Variants in INSL4 observed in about 807,000 individuals in gnomAD.
The protein encoded by INSL4 is early placenta insulin-like peptide.
INSL4 carries 7 observed loss-of-function variants against 6.5 expected under a neutral mutation model. The ratio of observed to expected loss-of-function variants is 1.08; its 90% confidence interval spans 0.61 to 2.02. INSL4 has a LOEUF of 2.02. Among genes scored for constraint, INSL4 ranks in the 30% most tolerant of loss-of-function variants. INSL4 has a pLI of 0.00. For missense variants in INSL4, 226 were observed against 163.2 expected (o/e 1.38, Z -2.09); for synonymous variants, 82 against 65.8 (o/e 1.25, Z -1.19).
At position 5,231,485 on chromosome 9, in the gene INSL4, A is replaced by T; in HGVS notation, c.-39A>T. ...GCTACAGCAGCAAGTCTCTAAAGAA[A>T]GGCTGAGAACACCCAGAACAGGAGA... is the stretch of plus-strand genomic sequence containing the variant. On this transcript the variant is annotated 5_prime_UTR_variant, in exon 1 of 2. The change creates a new upstream start codon in the 5' untranslated region. Transcript: ENST00000239316. 6.3e-7 allele frequency: 1 copy of T among 1,587,538 alleles called. No homozygotes were observed. Among genetic ancestry groups the T allele is most frequent in the Admixed American group, 1.7e-5 (1 of 57,870 alleles).
intron 1 of INSL4, among the ~76,000 whole-genome samples, chr9:5,232,208 C>A (rs1020046711): frequency 2.0e-5 from 3 of 152,116 alleles, no homozygotes; most frequent in African/African-American, 7.2e-5. Flanking sequence ...GGCCTAGGGG[C>A]AGCACACTGA....
At chr9:5,233,439 G>A (rs772396843) in intron 1 of INSL4, among the ~76,000 whole-genome samples, 2 of 152,122 alleles carry the variant, frequency 1.3e-5, no homozygotes, top group Non-Finnish European at 2.9e-5. Context: ...GACAGGATGA[G>A]GAGTTAGCAT....
In INSL4 at chr9:5,231,550, G is replaced by A. The variant is rs1346862102; in HGVS notation, c.27G>A (p.Leu9=). The change falls in exon 1 of 2, where the codon CTG becomes CTA. Residue 9 remains leucine, a synonymous_variant. Transcript: ENST00000239316. MASLFRSY[L]PAIWLLLSQL... ...TGGCCAGCCTGTTCCGGTCCTATCT[G>A]CCAGCAATCTGGCTGCTGCTGAGCC... The A allele has an allele frequency of 1.2e-6, 2 of 1,613,546 alleles. No homozygotes were observed. Among genetic ancestry groups the A allele is most frequent in the African/African-American group, 1.3e-5 (1 of 75,010 alleles).
rs556736982 is a variant in INSL4 at position 5,235,228 on chromosome 9, A to G, written c.*1351A>G. On this transcript the variant is annotated 3_prime_UTR_variant, in exon 2 of 2. Coordinates refer to ENST00000239316, the MANE Select transcript of INSL4 (RefSeq NM_002195.2). ...GTCAAGATCTGGTTGGAATGGAGAC[A>G]GGAGAGAGGATCTCAAACGATTCCA... 20 of 152,992 alleles carry G rather than the reference A, an allele frequency of 1.3e-4. No individual in the cohort carries two copies. The highest frequency in any genetic ancestry group is 2.9e-4 in the African/African-American group (12 of 41,572). 9.5% of individuals were successfully genotyped at this position (152,992 alleles called of 1,614,324 possible).
rs1040086406 is a variant in INSL4, at chr9:5,233,652, A to G, written c.197-2A>G. On this transcript the variant is annotated splice_acceptor_variant, in intron 1 of 1. Transcript: ENST00000239316. LOFTEE classifies it high-confidence loss of function. ...CTTTCATTCCTCTCTTTTACTTCAC[A>G]GAAATGGTGTCAACCTCCAACAACA... The G allele has an allele frequency of 6.2e-7, 1 of 1,609,766 alleles. No individual in the cohort carries two copies. The highest frequency in any genetic ancestry group is 8.5e-7 in the Non-Finnish European group (1 of 1,176,724).
At chr9:5,231,838 T>G (rs369435615) in intron 1 of INSL4, 119 bp downstream of exon 1, 5 of 838,622 alleles carry the variant, frequency 6.0e-6, no homozygotes, top group African/African-American at 3.5e-5. Context: ...AAGTTTGTGG[T>G]TTTTCATTGT....
chr9:5,233,789 G>C lies in INSL4; in HGVS notation c.332G>C (p.Arg111Pro). The C allele has an allele frequency of 6.2e-7, 1 of 1,613,586 alleles. No homozygotes were observed. The highest frequency in any genetic ancestry group is 8.5e-7 in the Non-Finnish European group (1 of 1,179,672). The change falls in exon 2 of 2, where the codon CGC becomes CCC. Residue 111 changes from arginine (R) to proline (P), a missense_variant. Coordinates refer to ENST00000239316, the MANE Select transcript of INSL4 (RefSeq NM_002195.2). ...TCATTGAAGAAAATAATACTTTCCC[G>C]CAAAAAGAGAAGTGGACGTCACAGA... The part of the protein sequence containing the change: ...QPSLKKIILS[R>P]KKRSGRHRFD...
chr9:5,233,318 T>C (rs1013209108), intron 1 of INSL4, among the ~76,000 whole-genome samples: 2 of 152,126 alleles, frequency 1.3e-5, no homozygotes, highest in Admixed American at 1.3e-4. Context: ...AAATTCCCTA[T>C]TGCTATCCAG....
chr9:5,232,581 G>T (rs894108022), intron 1 of INSL4, among the ~76,000 whole-genome samples: 5 of 152,150 alleles, frequency 3.3e-5, no homozygotes, highest in African/African-American at 1.2e-4. Context: ...ATTGAGGAAA[G>T]TTCAATACCA....
rs540874946 is a variant in INSL4, at chr9:5,233,550, G to C, written c.197-104G>C. 8.1e-6 allele frequency: 6 copies of C among 741,716 alleles called. No homozygotes were observed. In the Admixed American group the frequency reaches 1.5e-4, roughly 18 times the overall value. The allele number at this position is 741,716 out of a possible 1,614,324, so 45.9% of individuals were successfully genotyped here. On this transcript the variant is annotated intron_variant, in intron 1 of 1. Coordinates refer to ENST00000239316, the MANE Select transcript of INSL4 (RefSeq NM_002195.2). ...ATTCTCTCTGGTGTTTAATTACATG[G>C]AGGCAATGGGTACATTGTGGTCTAG... is the stretch of plus-strand genomic sequence containing the variant.
chr9:5,231,764 A>T lies in INSL4; in HGVS notation c.196+45A>T, dbSNP rs374615932. The T allele has an allele frequency of 1.7e-5, 27 of 1,552,738 alleles. No individual in the cohort carries two copies. In the African/African-American group the frequency reaches 3.6e-4, roughly 20 times the overall value. On this transcript the variant is annotated intron_variant, in intron 1 of 1. Transcript: ENST00000239316. ...AAACAATCAGAATGAGGCCTGAAAA[A>T]ACAGGCTCCAGATCTCATTGACTGC...
chr9:5,233,931 C>G lies in INSL4; in HGVS notation c.*54C>G. 1 of 1,151,108 alleles carries G rather than the reference C, an allele frequency of 8.7e-7. No individual in the cohort carries two copies. Among genetic ancestry groups the G allele is most frequent in the East Asian group, 2.4e-5 (1 of 42,020 alleles). 71.3% of individuals were successfully genotyped at this position (1,151,108 alleles called of 1,614,324 possible). On this transcript the variant is annotated 3_prime_UTR_variant, in exon 2 of 2. Transcript: ENST00000239316. Reference sequence around the variant, plus strand: ...CCATTCTCATATGTATTCTCAATGACAAATTCACTGATGCCCAATTAAATG... The same window carrying G: ...CCATTCTCATATGTATTCTCAATGAGAAATTCACTGATGCCCAATTAAATG...
In INSL4 at chr9:5,233,806, C is replaced by A; in HGVS notation, c.349C>A (p.Arg117Ser). ...ACTTTCCCGCAAAAAGAGAAGTGGACGTCACAGATTTGATCCATTCTGTTG... is the reference window on the plus strand; with the variant it reads ...ACTTTCCCGCAAAAAGAGAAGTGGAAGTCACAGATTTGATCCATTCTGTTG... The part of the protein sequence containing the change: ...IILSRKKRSG[R>S]HRFDPFCCEV... The change falls in exon 2 of 2, where the codon CGT becomes AGT. Residue 117 changes from arginine (R) to serine (S), a missense_variant. By Grantham distance (110) the Arg-to-Ser change is moderately radical (BLOSUM62 -1). Coordinates refer to ENST00000239316, the MANE Select transcript of INSL4 (RefSeq NM_002195.2). The A allele has an allele frequency of 6.2e-7, 1 of 1,613,648 alleles. No homozygotes were observed. The highest frequency in any genetic ancestry group is 8.5e-7 in the Non-Finnish European group (1 of 1,179,678).
chr9:5,233,247 T>C, intron 1 of INSL4, among the ~76,000 whole-genome samples: 1 of 152,110 alleles, frequency 6.6e-6, no homozygotes, highest in Non-Finnish European at 1.5e-5. Context: ...ATGTATAGAT[T>C]TATGTGGATC....
In INSL4 at chr9:5,233,966, T is replaced by C. The variant is rs1405488875; in HGVS notation, c.*89T>C. ...GATGCCCAATTAAATGATTGCTGTT[T>C]ATTAGAACATGAGAATCATTATTAG... On this transcript the variant is annotated 3_prime_UTR_variant, in exon 2 of 2. Transcript: ENST00000239316. The C allele has an allele frequency of 3.6e-6, 3 of 833,106 alleles. No individual in the cohort carries two copies. Among genetic ancestry groups the C allele is most frequent in the Non-Finnish European group, 6.0e-6 (3 of 503,656 alleles). 51.6% of individuals were successfully genotyped at this position (833,106 alleles called of 1,614,324 possible).
chr9:5,231,459 G>A lies in INSL4; in HGVS notation c.-65G>A, dbSNP rs1334743124. On this transcript the variant is annotated 5_prime_UTR_variant, in exon 1 of 2. Coordinates refer to ENST00000239316, the MANE Select transcript of INSL4 (RefSeq NM_002195.2). ...AGGGACACACCAGCACAGTCTGGTA[G>A]GCTACAGCAGCAAGTCTCTAAAGAA... 2 of 1,508,818 alleles carry A rather than the reference G, an allele frequency of 1.3e-6. No individual in the cohort carries two copies. The highest frequency in any genetic ancestry group is 3.7e-5 in the Admixed American group (2 of 54,110). 93.5% of individuals were successfully genotyped at this position (1,508,818 alleles called of 1,614,324 possible).
chr9:5,232,426 A>C (rs757336222), intron 1 of INSL4, among the ~76,000 whole-genome samples: 12 of 152,172 alleles, frequency 7.9e-5, no homozygotes, highest in African/African-American at 1.7e-4. Flanking sequence ...GATGAAGAGA[A>C]AGAAAGTGGC....
intron 1 of INSL4, among the ~76,000 whole-genome samples, chr9:5,232,642 G>T (rs1826165352): frequency 6.6e-6 from 1 of 152,162 alleles, no homozygotes; most frequent in Non-Finnish European, 1.5e-5. Flanking sequence ...AAGATAAATT[G>T]CCAGCTAAGT....
rs1214936730 is a variant in INSL4 at position 5,231,496 on chromosome 9, A to C, written c.-28A>C. ...AAGTCTCTAAAGAAAGGCTGAGAAC[A>C]CCCAGAACAGGAGAGTTCAGGTCCA... On this transcript the variant is annotated 5_prime_UTR_variant, in exon 1 of 2. Transcript: ENST00000239316. The C allele has an allele frequency of 6.2e-7, 1 of 1,602,288 alleles. No individual in the cohort carries two copies. The highest frequency in any genetic ancestry group is 8.5e-7 in the Non-Finnish European group (1 of 1,173,862).
Sources: allele counts gnomAD v4.1 joint callset (sites outside exome capture counted in the v4.1 genomes callset), GRCh38; gene constraint gnomAD v4.1.1; transcripts MANE v1.5; gene names NCBI Gene and HGNC (gene_info 2026-07-23, HGNC 2026-07-21).